THSD7B: variants seen among roughly 807,000 people sequenced by gnomAD.
THSD7B encodes the protein thrombospondin type-1 domain-containing protein 7B.
A neutral mutation model predicts 213.6 loss-of-function variants in THSD7B; 138 were observed. The observed-to-expected ratio is 0.65, with a 90% confidence interval of 0.56 to 0.74. The LOEUF is 0.74. Among genes scored for constraint, THSD7B ranks in the 30% least tolerant of loss-of-function variants. The probability of loss-of-function intolerance (pLI) is 0.00; values close to 1 mark genes in which losing one functional copy is unlikely to be tolerated. For synonymous variants in THSD7B, 742 were observed against 687.0 expected (o/e 1.08, Z -1.25); for missense variants, 1,931 against 1,991.5 (o/e 0.97, Z 0.58).
chr2:137,127,657 CT>C (rs141514892), intron 5 of THSD7B, among the ~76,000 whole-genome samples: 2,997 of 152,206 alleles, frequency 0.02, 104 homozygotes, highest in African/African-American at 0.067. Flanking sequence ...TGGCTCAGGC[CT>C]GTAATCTCAG....
chr2:136,918,327 T>C (rs753045426), intron 2 of THSD7B, among the ~76,000 whole-genome samples: 16 of 149,032 alleles, frequency 1.1e-4, no homozygotes, highest in African/African-American at 3.5e-4. Context: ...CCAGGTCTCT[T>C]TCATTTTTAT....
chr2:137,212,651 A>G (rs550065580), intron 7 of THSD7B, among the ~76,000 whole-genome samples: 1 of 120,588 alleles, frequency 8.3e-6, no homozygotes, highest in Admixed American at 8.1e-5. Context: ...GCAATTTTTT[A>G]GTGCACACAA....
intron 21 of THSD7B, among the ~76,000 whole-genome samples, chr2:137,644,271 C>G (rs888499348): frequency 6.6e-6 from 1 of 152,136 alleles, no homozygotes; most frequent in Non-Finnish European, 1.5e-5. Flanking sequence ...TAGACTTAAT[C>G]TATGCAAAAG....
intron 20 of THSD7B, among the ~76,000 whole-genome samples, chr2:137,638,628 A>T (rs750972123): frequency 6.6e-6 from 1 of 152,216 alleles, no homozygotes; most frequent in Non-Finnish European, 1.5e-5. Flanking sequence ...TCAGAAGAAG[A>T]CAAGAAAATG....
At chr2:137,456,638 G>T (rs1687769918) in intron 15 of THSD7B, among the ~76,000 whole-genome samples, 2 of 152,168 alleles carry the variant, frequency 1.3e-5, no homozygotes, top group South Asian at 4.1e-4. Flanking sequence ...ATGGAAGGCA[G>T]CCCAAACCGA....
chr2:137,232,887 T>C lies in THSD7B; in HGVS notation c.1916-12T>C. The C allele has an allele frequency of 6.2e-7, 1 of 1,613,314 alleles. No individual in the cohort carries two copies. Among genetic ancestry groups the C allele is most frequent in the Non-Finnish European group, 8.5e-7 (1 of 1,179,408 alleles). ...ACCACTATGTATTACCTTTTGTTCT[T>C]ATTTTTGGCAGGTGGAAAGCCATGT... is the stretch of plus-strand genomic sequence containing the variant. On this transcript the variant is annotated splice_polypyrimidine_tract_variant and intron_variant, in intron 8 of 27. Transcript: ENST00000409968.
intron 7 of THSD7B, among the ~76,000 whole-genome samples, chr2:137,216,692 G>A (rs150945525): frequency 3.3e-5 from 5 of 152,266 alleles, no homozygotes; most frequent in South Asian, 2.1e-4. Flanking sequence ...AAACGGGTTG[G>A]CGATTAAACT....
chr2:137,216,966 AT>A (rs1681260416), intron 7 of THSD7B, among the ~76,000 whole-genome samples: 1 of 152,140 alleles, frequency 6.6e-6, no homozygotes, highest in Admixed American at 6.5e-5. Context: ...TTTTGTGATT[AT>A]TCAACTCTCT....
Position 137,276,028 on chromosome 2 carries a change from TATG to T in THSD7B, c.2500+8_2500+10del. 1 of 1,606,016 alleles carries T rather than the reference TATG, an allele frequency of 6.2e-7. No homozygotes were observed. Among genetic ancestry groups the T allele is most frequent in the East Asian group, 2.2e-5 (1 of 44,732 alleles). On this transcript the variant is annotated splice_donor_5th_base_variant and intron_variant, in intron 12 of 27. Transcript: ENST00000409968. ...GTGGAAAGGGGTTACAAACAAGAGG[TATG>T]ATGATTTTTACATAGTTTTTTTTTA...
At chr2:137,014,472 T>C (rs1330135718) in intron 2 of THSD7B, among the ~76,000 whole-genome samples, 1 of 152,214 alleles carries the variant, frequency 6.6e-6, no homozygotes, top group Admixed American at 6.5e-5. Context: ...TAGGCCAAGA[T>C]CAACTGTCCT....
At chr2:137,543,030 A>T (rs997180919) in intron 15 of THSD7B, among the ~76,000 whole-genome samples, 1 of 151,720 alleles carries the variant, frequency 6.6e-6, no homozygotes, top group Non-Finnish European at 1.5e-5. Flanking sequence ...TGTTGGTAGG[A>T]CTGTTTCCTT....
chr2:137,279,029 C>A (rs1682935946), intron 12 of THSD7B, among the ~76,000 whole-genome samples: 1 of 151,524 alleles, frequency 6.6e-6, no homozygotes, highest in Non-Finnish European at 1.5e-5. Flanking sequence ...GTGTTGTCTT[C>A]AAAAAAACAG....
chr2:136,990,569 T>G (rs551749962), intron 2 of THSD7B, among the ~76,000 whole-genome samples: 1 of 152,102 alleles, frequency 6.6e-6, no homozygotes. Flanking sequence ...TGTGCTGGAA[T>G]GTGGGGCAAG....
chr2:137,446,047 T>C (rs1687530094), intron 14 of THSD7B, among the ~76,000 whole-genome samples: 2 of 152,018 alleles, frequency 1.3e-5, no homozygotes, highest in South Asian at 2.1e-4. Context: ...TGTTTCCTTT[T>C]TGGTACTATG....
chr2:136,977,828 G>C (rs1347045485), intron 2 of THSD7B, among the ~76,000 whole-genome samples: 1 of 101,786 alleles, frequency 9.8e-6, no homozygotes, highest in Non-Finnish European at 1.9e-5. Context: ...TTTTTAAACG[G>C]AGTCTTGCTC....
chr2:137,033,924 A>G (rs1048326470), intron 2 of THSD7B, among the ~76,000 whole-genome samples: 1 of 151,960 alleles, frequency 6.6e-6, no homozygotes, highest in Non-Finnish European at 1.5e-5. Context: ...ATTTCTCCCA[A>G]TGCTATCCCT....
At chr2:137,497,741 A>G (rs1433896867) in intron 15 of THSD7B, among the ~76,000 whole-genome samples, 1 of 152,136 alleles carries the variant, frequency 6.6e-6, no homozygotes, top group Non-Finnish European at 1.5e-5. Context: ...CAGACTGTTG[A>G]CTAAAATTAC....
intron 17 of THSD7B, among the ~76,000 whole-genome samples, chr2:137,597,797 A>G (rs956084674): frequency 1.2e-4 from 19 of 152,288 alleles, no homozygotes; most frequent in African/African-American, 4.6e-4. Context: ...ACACAATTTT[A>G]GTGGTTACCA....
intron 12 of THSD7B, among the ~76,000 whole-genome samples, chr2:137,402,680 A>C (rs1686397757): frequency 6.6e-6 from 1 of 151,874 alleles, no homozygotes; most frequent in Non-Finnish European, 1.5e-5. Context: ...TTAGCCAGGC[A>C]TGGTAGACAG....
Sources: allele counts gnomAD v4.1 joint callset (sites outside exome capture counted in the v4.1 genomes callset), GRCh38; gene constraint gnomAD v4.1.1; transcripts MANE v1.5; gene names NCBI Gene and HGNC (gene_info 2026-07-23, HGNC 2026-07-21).